The following MEF2A variants were observed in gnomAD, a reference collection of about 807,000 sequenced individuals.
The protein encoded by MEF2A is myocyte enhancer factor 2A, also known as myocyte-specific enhancer factor 2A.
MEF2A carries 28 observed loss-of-function variants against 55.8 expected under a neutral mutation model. That is an observed-to-expected ratio of 0.50 (90% CI 0.37 to 0.69). The LOEUF (loss-of-function observed/expected upper bound fraction) is 0.69. Ranked by LOEUF, MEF2A falls within the 30% of genes least tolerant of loss-of-function variation. MEF2A has a pLI of 0.00. For synonymous variants in MEF2A, 239 were observed against 227.1 expected (o/e 1.05, Z -0.47); for missense variants, 528 against 626.2 (o/e 0.84, Z 1.67).
intron 1 of MEF2A, among the ~76,000 whole-genome samples, chr15:99,583,413 G>T (rs1171781859): frequency 6.6e-6 from 1 of 152,072 alleles, no homozygotes. Flanking sequence ...TTACTAGATT[G>T]TTTAACCAAA....
intron 7 of MEF2A, among the ~76,000 whole-genome samples, chr15:99,686,845 C>T (rs1262773637): frequency 6.6e-6 from 1 of 152,120 alleles, no homozygotes; most frequent in Non-Finnish European, 1.5e-5. Context: ...TCCTCAAGAA[C>T]ACCACTTATT....
chr15:99,696,794 C>A (rs577021679), intron 8 of MEF2A, among the ~76,000 whole-genome samples: 1 of 151,594 alleles, frequency 6.6e-6, no homozygotes, highest in South Asian at 2.1e-4. Flanking sequence ...GAACACTTTC[C>A]AACTTATTTT....
At chr15:99,709,272 A>G (rs2058362100) in intron 10 of MEF2A, among the ~76,000 whole-genome samples, 1 of 152,206 alleles carries the variant, frequency 6.6e-6, no homozygotes, top group Admixed American at 6.5e-5. Context: ...GATAACACCC[A>G]TGGGCTTCTG....
At chr15:99,649,667 A>G (rs2046524597) in intron 4 of MEF2A, among the ~76,000 whole-genome samples, 1 of 152,170 alleles carries the variant, frequency 6.6e-6, no homozygotes, top group Admixed American at 6.5e-5. Context: ...CAGGAATACT[A>G]GGTATGTCCT....
chr15:99,702,896 CAT>C (rs1419994298), intron 8 of MEF2A, among the ~76,000 whole-genome samples: 2 of 152,210 alleles, frequency 1.3e-5, no homozygotes, highest in Non-Finnish European at 2.9e-5. Flanking sequence ...GGAAATAAAA[CAT>C]ACAGCAGTTT....
At chr15:99,614,124 G>A (rs2039777389) in intron 2 of MEF2A, among the ~76,000 whole-genome samples, 1 of 152,134 alleles carries the variant, frequency 6.6e-6, no homozygotes, top group Non-Finnish European at 1.5e-5. Flanking sequence ...TGGAACAGAT[G>A]CCATCTACCT....
chr15:99,690,828 G>A (rs2123930), intron 8 of MEF2A, among the ~76,000 whole-genome samples: 33,562 of 152,018 alleles, frequency 0.22, 4,402 homozygotes, highest in South Asian at 0.31. Flanking sequence ...GATGAAGAGC[G>A]GTTGATTCGT....
At chr15:99,667,147 C>G (rs966922527) in intron 4 of MEF2A, among the ~76,000 whole-genome samples, 1 of 152,174 alleles carries the variant, frequency 6.6e-6, no homozygotes, top group African/African-American at 2.4e-5. Flanking sequence ...GAGTTTAGAT[C>G]TGAAATCAGT....
At chr15:99,707,794 AG>A (rs1274748604) in intron 10 of MEF2A, among the ~76,000 whole-genome samples, 1 of 152,224 alleles carries the variant, frequency 6.6e-6, no homozygotes, top group East Asian at 1.9e-4. Context: ...GTCTGATTTT[AG>A]CCTTCAGGGT....
chr15:99,662,988 A>G (rs2048924916), intron 4 of MEF2A, among the ~76,000 whole-genome samples: 1 of 152,116 alleles, frequency 6.6e-6, no homozygotes, highest in South Asian at 2.1e-4. Context: ...ATACCTTTTG[A>G]GTAGTTTTAA....
intron 7 of MEF2A, 143 bp downstream of exon 7, chr15:99,675,601 A>G: frequency 1.5e-6 from 1 of 672,752 alleles, no homozygotes; most frequent in Non-Finnish European, 2.5e-6. Context: ...TCTTAAGGGG[A>G]GACTTTCTCT....
rs761164074 is a variant in MEF2A at position 99,675,434 on chromosome 15, A to C, written c.646A>C (p.Asn216His). The C allele has an allele frequency of 6.2e-7, 1 of 1,613,984 alleles. No homozygotes were observed. Among genetic ancestry groups the C allele is most frequent in the Admixed American group, 1.7e-5 (1 of 60,032 alleles). ...MLSTTDLTVP[N>H]GAGSSPVGNG... ...GAGCACTACAGACCTCACAGTGCCA[A>C]ATGGAGCTGGAAGCAGTCCAGTGGG... Residue 216 changes from asparagine (N) to histidine (H), a missense_variant, in exon 7 of 12, where the codon AAT (asparagine) becomes CAT (histidine). Around this residue, in one of 2 missense-constraint regions of MEF2A, gnomAD observed 450 missense variants for 475.3 expected, o/e 0.95. Coordinates refer to ENST00000557942, the MANE Select transcript of MEF2A (RefSeq NM_001319206.4).
intron 1 of MEF2A, among the ~76,000 whole-genome samples, chr15:99,575,776 A>G (rs139450712): frequency 1.3e-5 from 2 of 152,320 alleles, no homozygotes; most frequent in African/African-American, 2.4e-5. Context: ...CTCTCCATTT[A>G]TTAGTGGGCA....
At chr15:99,701,718 T>C (rs756313182) in intron 8 of MEF2A, among the ~76,000 whole-genome samples, 4 of 152,204 alleles carry the variant, frequency 2.6e-5, no homozygotes, top group Non-Finnish European at 4.4e-5. Flanking sequence ...GTTTAAAATA[T>C]ATACATACAT....
chr15:99,589,210 T>A (rs1968436912), intron 1 of MEF2A, among the ~76,000 whole-genome samples: 1 of 152,236 alleles, frequency 6.6e-6, no homozygotes, highest in Non-Finnish European at 1.5e-5. Context: ...TGTGGAAAGC[T>A]TTTAAATTAC....
At chr15:99,645,329 G>T (rs2045792195) in intron 3 of MEF2A, among the ~76,000 whole-genome samples, 1 of 152,152 alleles carries the variant, frequency 6.6e-6, no homozygotes, top group African/African-American at 2.4e-5. Flanking sequence ...GGCAGCCAAG[G>T]ATAAGGAAAT....
At chr15:99,645,165 G>A (rs1183497352) in intron 3 of MEF2A, among the ~76,000 whole-genome samples, 1 of 152,174 alleles carries the variant, frequency 6.6e-6, no homozygotes, top group African/African-American at 2.4e-5. Flanking sequence ...CTTCAGATTA[G>A]TGGATGTATT....
intron 7 of MEF2A, among the ~76,000 whole-genome samples, chr15:99,687,141 C>G (rs1239980590): frequency 8.2e-6 from 1 of 121,854 alleles, no homozygotes; most frequent in African/African-American, 3.2e-5. Flanking sequence ...GTTGCCCAGG[C>G]TGGTTTTGAA....
In MEF2A at chr15:99,645,502, A is replaced by G. The variant is rs1385217325; in HGVS notation, c.55-59A>G. 4 of 1,210,878 alleles carry G rather than the reference A, an allele frequency of 3.3e-6. No individual in the cohort carries two copies. The African/African-American group carries it at 4.6e-5, about 14-fold the overall frequency. 75.0% of individuals were successfully genotyped at this position (1,210,878 alleles called of 1,614,324 possible). A position where few individuals can be genotyped will look rare whatever the true frequency, so the allele number is the denominator to read the frequency against. The stretch of plus-strand genomic sequence containing the variant: ...TTAAGAAGAAGATTCATCTTCAGAT[A>G]GCCCATATTCAAGTACTACTAATGC... On this transcript the variant is annotated intron_variant, in intron 3 of 11. Transcript: ENST00000557942.
Sources: allele counts gnomAD v4.1 joint callset (sites outside exome capture counted in the v4.1 genomes callset), GRCh38; gene constraint gnomAD v4.1.1; regional missense constraint gnomAD v4.1.1; transcripts MANE v1.5; gene names NCBI Gene and HGNC (gene_info 2026-07-23, HGNC 2026-07-21).